The following GPHN variants were observed in gnomAD, a reference collection of about 807,000 sequenced individuals.
GPHN encodes gephyrin.
GPHN carries 17 observed loss-of-function variants against 95.5 expected under a neutral mutation model. That is an observed-to-expected ratio of 0.18 (90% CI 0.12 to 0.27). The LOEUF is 0.27. GPHN is among the 10% of genes least tolerant of loss of function. GPHN has a pLI of 1.00. For synonymous variants in GPHN, 320 were observed against 322.5 expected, an observed-to-expected ratio of 0.99 and a Z score of 0.08; for missense variants, 660 against 978.1, an observed-to-expected ratio of 0.67 and a Z score of 4.34.
the GPHN span, among the ~76,000 whole-genome samples, chr14:67,396,747 G>C: frequency 0.19 from 24,954 of 134,270 alleles, no homozygotes; most frequent in African/African-American, 0.41. Flanking sequence ...TCCTCTTCAG[G>C]GATAAAGGGT....
chr14:67,449,568 C>T, the GPHN span, among the ~76,000 whole-genome samples: 57 of 152,268 alleles, frequency 3.7e-4, 1 homozygote, highest in African/African-American at 1.2e-3. Flanking sequence ...AGAAACAATG[C>T]AGAGGCTCAG....
At chr14:67,430,731 C>G in the GPHN span, among the ~76,000 whole-genome samples, 5 of 152,042 alleles carry the variant, frequency 3.3e-5, no homozygotes, top group African/African-American at 1.2e-4. Context: ...TGATGAAAGG[C>G]CCAGAGACCT....
At chr14:66,545,198 G>A (rs1281391691) in intron 1 of GPHN, among the ~76,000 whole-genome samples, 4 of 147,030 alleles carry the variant, frequency 2.7e-5, no homozygotes, top group South Asian at 2.2e-4. Context: ...GCGGCTGGCC[G>A]GGCGGGGGGC....
intron 1 of GPHN, among the ~76,000 whole-genome samples, chr14:66,531,899 G>A (rs1269804972): frequency 6.6e-6 from 1 of 152,108 alleles, no homozygotes; most frequent in Non-Finnish European, 1.5e-5. Flanking sequence ...TAGGCTTTGT[G>A]AGCTGTATAT....
the GPHN span, among the ~76,000 whole-genome samples, chr14:67,393,729 C>A: frequency 6.6e-6 from 1 of 152,148 alleles, no homozygotes; most frequent in African/African-American, 2.4e-5. Flanking sequence ...ACTGGGATTA[C>A]AGGTGTGAGC....
chr14:66,939,835 G>A (rs940626750), intron 8 of GPHN, among the ~76,000 whole-genome samples: 3 of 152,096 alleles, frequency 2.0e-5, no homozygotes, highest in Non-Finnish European at 4.4e-5. Context: ...CCTATCTAAG[G>A]GTCCCCAACA....
chr14:66,894,387 A>T (rs1421719589), intron 5 of GPHN, among the ~76,000 whole-genome samples: 3 of 152,186 alleles, frequency 2.0e-5, no homozygotes, highest in East Asian at 1.9e-4. Flanking sequence ...ACTTAAATGT[A>T]AGACCTAAAA....
At chr14:67,550,479 G>A in the GPHN span, among the ~76,000 whole-genome samples, 1 of 152,192 alleles carries the variant, frequency 6.6e-6, no homozygotes, top group Admixed American at 6.5e-5. Context: ...GTGCACCACC[G>A]CGCCCAGCCA....
At chr14:66,606,989 T>C (rs982836637) in intron 1 of GPHN, among the ~76,000 whole-genome samples, 1 of 152,084 alleles carries the variant, frequency 6.6e-6, no homozygotes, top group African/African-American at 2.4e-5. Flanking sequence ...TGAATAGGAG[T>C]GTTGAGAGTG....
chr14:66,579,008 G>T (rs1329652958), intron 1 of GPHN, among the ~76,000 whole-genome samples: 2 of 151,704 alleles, frequency 1.3e-5, no homozygotes, highest in Admixed American at 1.3e-4. Context: ...GTTAAAATAG[G>T]TATATTTACA....
At chr14:66,978,681 CT>C (rs1488014314) in intron 9 of GPHN, among the ~76,000 whole-genome samples, 2 of 152,162 alleles carry the variant, frequency 1.3e-5, no homozygotes, top group African/African-American at 4.8e-5. Flanking sequence ...TTGGAATCAA[CT>C]TCTTCCAACT....
the GPHN span, among the ~76,000 whole-genome samples, chr14:67,525,245 T>A: frequency 6.6e-6 from 1 of 152,208 alleles, no homozygotes; most frequent in East Asian, 1.9e-4. Context: ...TACATATAGT[T>A]ATATGTATAC....
intron 1 of GPHN, among the ~76,000 whole-genome samples, chr14:66,629,431 C>T (rs2063698188): frequency 6.6e-6 from 1 of 151,714 alleles, no homozygotes; most frequent in Non-Finnish European, 1.5e-5. Context: ...ACCTGTGGAG[C>T]TGTCATCTTC....
chr14:67,624,255 TTTGCACTTTAATGGGAA>T, the GPHN span, among the ~76,000 whole-genome samples: 6 of 150,600 alleles, frequency 4.0e-5, no homozygotes, highest in Non-Finnish European at 7.4e-5. Context: ...AAGCCAGAAA[TTTGCACTTTAATGGGAA>T]ATCTGTGTTG....
the GPHN span, among the ~76,000 whole-genome samples, chr14:67,669,315 G>C: frequency 6.7e-6 from 1 of 149,796 alleles, no homozygotes; most frequent in East Asian, 2.0e-4. Context: ...TGTCACCCAG[G>C]TTGGAGTGCA....
chr14:66,539,409 C>CTTTTTTTTT (rs1000117893), intron 1 of GPHN, among the ~76,000 whole-genome samples: 20 of 101,810 alleles, frequency 2.0e-4, no homozygotes, highest in African/African-American at 4.3e-4. Context: ...TTTCTACTTT[C>CTTTTTTTTT]TTTTTTTTTT....
At chr14:66,744,237 C>T (rs1266771271) in intron 2 of GPHN, among the ~76,000 whole-genome samples, 1 of 152,160 alleles carries the variant, frequency 6.6e-6, no homozygotes, top group Non-Finnish European at 1.5e-5. Flanking sequence ...ACGCTACTTT[C>T]TTTTCCATAT....
chr14:67,496,395 T>TTTTTTTG, the GPHN span, among the ~76,000 whole-genome samples: 1 of 92,530 alleles, frequency 1.1e-5, no homozygotes, highest in African/African-American at 4.2e-5. Flanking sequence ...TCCGGCGTTT[T>TTTTTTTG]TTTTTTTTTT....
chr14:67,305,066 A>G, the GPHN span, among the ~76,000 whole-genome samples: 1 of 152,176 alleles, frequency 6.6e-6, no homozygotes, highest in African/African-American at 2.4e-5. Flanking sequence ...ATGAGGAAAT[A>G]TAGTTTGTCT....
Sources: allele counts gnomAD v4.1 joint callset (sites outside exome capture counted in the v4.1 genomes callset), GRCh38; gene constraint gnomAD v4.1.1; transcripts MANE v1.5; gene names NCBI Gene and HGNC (gene_info 2026-07-23, HGNC 2026-07-21).